Variants in MYOF observed in about 807,000 individuals in gnomAD.
The protein encoded by MYOF is myoferlin.
Under a neutral mutation model 284.2 loss-of-function variants are expected in MYOF, and 244 were observed. The ratio of observed to expected loss-of-function variants is 0.86; its 90% CI spans 0.77 to 0.95. The LOEUF is 0.95. Among genes scored for constraint, MYOF ranks in the 40% least tolerant of loss-of-function variants. The probability of loss-of-function intolerance (pLI) is 0.00; values close to 1 mark genes in which losing one functional copy is unlikely to be tolerated. For missense variants in MYOF, 2,496 were observed against 2,560.6 expected (o/e 0.97, Z 0.54); for synonymous variants, 904 against 919.7 (o/e 0.98, Z 0.31).
chr10:93,392,213 C>A (rs972679265), intron 17 of MYOF, among the ~76,000 whole-genome samples: 1 of 152,168 alleles, frequency 6.6e-6, no homozygotes, highest in African/African-American at 2.4e-5. Flanking sequence ...TATTTGCACA[C>A]AGCTTCAGAG....
intron 7 of MYOF, among the ~76,000 whole-genome samples, chr10:93,406,563 T>TCCC (rs779669850): frequency 5.2e-5 from 5 of 95,982 alleles, no homozygotes; most frequent in African/African-American, 1.3e-4. Context: ...TCTTGCCTCC[T>TCCC]CCCCACCCAT....
chr10:93,353,189 G>C (rs1844606836), intron 32 of MYOF, among the ~76,000 whole-genome samples: 1 of 152,142 alleles, frequency 6.6e-6, no homozygotes, highest in African/African-American at 2.4e-5. Flanking sequence ...TGGTTCAGCG[G>C]CAAGGACTCA....
At chr10:93,349,727 CTGTGTT>C in intron 36 of MYOF, 75 bp downstream of exon 36, 1 of 1,469,810 alleles carries the variant, frequency 6.8e-7, no homozygotes, top group Non-Finnish European at 9.2e-7. Flanking sequence ...GAAATAAACT[CTGTGTT>C]TGTGTGTGTG....
intron 39 of MYOF, 121 bp from the exon 40 acceptor site, chr10:93,338,034 T>C: frequency 1.4e-6 from 1 of 731,470 alleles, no homozygotes; most frequent in Non-Finnish European, 2.3e-6. Flanking sequence ...AAAAGTGAGA[T>C]TATATGACTT....
Position 93,457,766 on chromosome 10 carries a change from C to T in MYOF, c.89-829G>A, listed in dbSNP as rs112449268. ...TTTTTTTTTTTGAGACAGGGTCTCG[C>T]GAGGTCGCCCAGGCTGGAGTATAGT... is the stretch of plus-strand genomic sequence containing the variant. On this transcript the variant is annotated intron_variant, in intron 1 of 53. Coordinates refer to ENST00000359263, the MANE Select transcript of MYOF (RefSeq NM_013451.4). Among the ~76,000 whole-genome samples the T allele has an allele frequency of 5.5e-3, 815 of 149,322 alleles. 3 individuals carry two copies. Among genetic ancestry groups the T allele is most frequent in the African/African-American group, 0.019 (769 of 40,508 alleles).
At chr10:93,424,075 C>A (rs896599714) in intron 5 of MYOF, among the ~76,000 whole-genome samples, 2 of 152,140 alleles carry the variant, frequency 1.3e-5, no homozygotes, top group African/African-American at 4.8e-5. Flanking sequence ...AAGGAACTAG[C>A]CCTGCTGACA....
chr10:93,338,408 G>C, intron 39 of MYOF: 1 of 456,386 alleles, frequency 2.2e-6, no homozygotes, highest in Non-Finnish European at 4.4e-6. Flanking sequence ...ATACCCTTAT[G>C]TTTCAAGCTG....
intron 5 of MYOF, among the ~76,000 whole-genome samples, chr10:93,422,594 C>T (rs939586571): frequency 4.6e-5 from 7 of 152,164 alleles, no homozygotes; most frequent in African/African-American, 9.6e-5. Flanking sequence ...GTCAGGAGTT[C>T]GAGACCAGCC....
rs1246139653 is a variant in MYOF, at chr10:93,470,216, G to A, written c.88+11891C>T. 1.8e-3 allele frequency among the ~76,000 whole-genome samples: 244 copies of A among 137,352 alleles called. 1 individual carries two copies. Among genetic ancestry groups the A allele is most frequent in the African/African-American group, 5.0e-3 (181 of 36,074 alleles). 90.1% of individuals were successfully genotyped at this position (137,352 alleles called of 152,430 possible). A position where few individuals can be genotyped will look rare whatever the true frequency, so the allele number is the denominator to read the frequency against. On this transcript the variant is annotated intron_variant, in intron 1 of 53. Coordinates refer to ENST00000359263, the MANE Select transcript of MYOF (RefSeq NM_013451.4). Reference sequence around the variant, plus strand: ...TATACTCCAGCCTGGGCAACAGAGCGAGACTCCATCTCAAAAAAAAAAAAA... The same window carrying A: ...TATACTCCAGCCTGGGCAACAGAGCAAGACTCCATCTCAAAAAAAAAAAAA...
chr10:93,444,974 G>C (rs920496852), intron 3 of MYOF, among the ~76,000 whole-genome samples: 2 of 152,158 alleles, frequency 1.3e-5, no homozygotes, highest in Non-Finnish European at 2.9e-5. Context: ...CATATATCTG[G>C]TCCATTGCAG....
intron 49 of MYOF, among the ~76,000 whole-genome samples, chr10:93,317,882 GT>G (rs1280429258): frequency 6.6e-6 from 1 of 152,158 alleles, no homozygotes; most frequent in South Asian, 2.1e-4. Flanking sequence ...AGATTACTGG[GT>G]TGTTTTTCAT....
chr10:93,351,776 G>T lies in MYOF; in HGVS notation c.3552C>A (p.Pro1184=). Residue 1184 remains proline (P), a synonymous_variant, in exon 33 of 54, where the codon CCC becomes CCA. Transcript: ENST00000359263. ...CGAATATAATTGTTTGGTCCCACGT[G>T]GGATTCAGGGTTGAATGGATGATCT... The part of the protein sequence containing the change: ...TTEIIHSTLN[P]TWDQTIIFDE... 1 of 1,601,098 alleles carries T rather than the reference G, an allele frequency of 6.2e-7. No individual in the cohort carries two copies. Among genetic ancestry groups the T allele is most frequent in the Non-Finnish European group, 8.5e-7 (1 of 1,177,024 alleles).
At chr10:93,351,122 T>C (rs1844483956) in intron 35 of MYOF, 75 bp downstream of exon 35, 5 of 1,456,328 alleles carry the variant, frequency 3.4e-6, no homozygotes, top group African/African-American at 1.4e-5. Flanking sequence ...CAGGATTCTA[T>C]GTTCTATACA....
chr10:93,404,171 T>A lies in MYOF; in HGVS notation c.778A>T (p.Ile260Phe), dbSNP rs1042550617. The A allele has an allele frequency of 6.2e-7, 1 of 1,614,150 alleles. No individual in the cohort carries two copies. Among genetic ancestry groups the A allele is most frequent in the Non-Finnish European group, 8.5e-7 (1 of 1,180,016 alleles). ...CTGACCCTTACCCGGATGCTGATGA[T>A]CTCATCCATCAATTCAGAAGGGGTC... ...NMTPSELMDEIISIRVYNSHS... is the reference protein window; with the variant it reads ...NMTPSELMDEFISIRVYNSHS... Residue 260 changes from isoleucine (I) to phenylalanine (F), a missense_variant, in exon 8 of 54, where the codon ATC (isoleucine) becomes TTC (phenylalanine). This residue lies in a region of MYOF where 2,436 missense variants were observed against 2,480.7 expected (regional missense o/e 0.98). Transcript: ENST00000359263.
rs148445634 is a variant in MYOF, at chr10:93,444,898, G to C, written c.236+7152C>G. ...GGGTCCCAGCCTCCACCCCTCTGAG[G>C]CTCAAGTCTACTCTCTACTTCTCAA... On this transcript the variant is annotated intron_variant, in intron 3 of 53. Transcript: ENST00000359263. 5.6e-4 allele frequency among the ~76,000 whole-genome samples: 86 copies of C among 152,294 alleles called. 1 individual carries two copies. In the East Asian group the frequency reaches 0.016, roughly 28 times the overall value.
At chr10:93,465,555 A>ATTTTTT (rs2056991071) in intron 1 of MYOF, among the ~76,000 whole-genome samples, 1 of 4,638 alleles carries the variant, frequency 2.2e-4, no homozygotes, top group Admixed American at 2.6e-3. Flanking sequence ...TTTTTTTTTG[A>ATTTTTT]GATGACTGGA....
In MYOF at chr10:93,465,764, C is replaced by T. The variant is rs368606810; in HGVS notation, c.89-8827G>A. On this transcript the variant is annotated intron_variant, in intron 1 of 53. Transcript: ENST00000359263. ...TCCTGACGTCAGGTGATCCGCCCAC[C>T]TCCGCCTCCCAAAGTGCTGGGATTA... Among the ~76,000 whole-genome samples, 206 of 152,230 alleles carry T rather than the reference C, an allele frequency of 1.4e-3. 2 individuals carry two copies. Among genetic ancestry groups the T allele is most frequent in the African/African-American group, 4.9e-3 (202 of 41,542 alleles).
chr10:93,337,776 A>G, intron 40 of MYOF, 39 bp downstream of exon 40: 1 of 1,549,300 alleles, frequency 6.5e-7, no homozygotes, highest in Non-Finnish European at 8.9e-7. Flanking sequence ...GTTTCAAAGG[A>G]TGTTGATTCT....
intron 1 of MYOF, among the ~76,000 whole-genome samples, chr10:93,477,863 A>C (rs113168568): frequency 2.6e-5 from 4 of 152,270 alleles, no homozygotes; most frequent in African/African-American, 9.6e-5. Context: ...AAATAAATAA[A>C]TAAAAATGAA....
Sources: gnomAD v4.1 joint callset for allele counts (sites outside exome capture counted in the v4.1 genomes callset) on GRCh38, gnomAD v4.1.1 for gene constraint, gnomAD v4.1.1 regional missense constraint, MANE v1.5 for transcripts, NCBI Gene and HGNC (gene_info 2026-07-23, HGNC 2026-07-21) for gene names.